VPS25: variants seen among roughly 807,000 people sequenced by gnomAD.
The protein encoded by VPS25 is vacuolar protein-sorting-associated protein 25.
In VPS25, 21 loss-of-function variants were observed where a neutral mutation model predicts 30.3. The ratio of observed to expected loss-of-function variants is 0.69; its 90% CI spans 0.49 to 1.00. VPS25 has a LOEUF of 1.00. Among genes scored for constraint, VPS25 ranks in the 50% least tolerant of loss-of-function variants. The pLI, the probability that VPS25 is intolerant of heterozygous loss-of-function variation, is 0.00. For missense variants in VPS25, 156 were observed against 217.2 expected (o/e 0.72, Z 1.77); for synonymous variants, 101 against 88.1 (o/e 1.15, Z -0.82).
At chr17:42,775,561 CAG>C in intron 4 of VPS25, 92 bp downstream of exon 4, 1 of 1,032,468 alleles carries the variant, frequency 9.7e-7, no homozygotes, top group Non-Finnish European at 1.4e-6. Context: ...TTCCCAGATC[CAG>C]ACTGAGCAAA....
intron 5 of VPS25, among the ~76,000 whole-genome samples, chr17:42,777,408 G>T (rs369965133): frequency 6.6e-6 from 1 of 152,306 alleles, no homozygotes; most frequent in South Asian, 2.1e-4. Flanking sequence ...TGAGCTACTT[G>T]GGAGGCTGCA....
In VPS25 at chr17:42,773,470, A is replaced by G; in HGVS notation, c.-6A>G. ...CGGTAGCTTCCGGGTTTCCTGGGCT[A>G]CTACGATGGCGATGAGTTTCGAGTG... On this transcript the variant is annotated 5_prime_UTR_variant, in exon 1 of 6. Coordinates refer to ENST00000253794, the MANE Select transcript of VPS25 (RefSeq NM_032353.4). 6.2e-7 allele frequency: 1 copy of G among 1,614,166 alleles called. No homozygotes were observed. Among genetic ancestry groups the G allele is most frequent in the East Asian group, 2.2e-5 (1 of 44,882 alleles).
chr17:42,777,967 C>T (rs1191311308), intron 5 of VPS25, among the ~76,000 whole-genome samples: 1 of 152,098 alleles, frequency 6.6e-6, no homozygotes, highest in Non-Finnish European at 1.5e-5. Flanking sequence ...TTGCTACTCC[C>T]ACCATCACCC....
In VPS25 at chr17:42,779,168, C is replaced by T. The variant is rs2054454384; in HGVS notation, c.*99C>T. ...CCCAAAGACTGGATCTGTGACTCCA[C>T]CAGACTCAAAAGGACTCCAGTCCTG... On this transcript the variant is annotated 3_prime_UTR_variant, in exon 6 of 6. Coordinates refer to ENST00000253794, the MANE Select transcript of VPS25 (RefSeq NM_032353.4). The T allele has an allele frequency of 3.1e-5, 36 of 1,153,534 alleles. No individual in the cohort carries two copies. In the East Asian group the frequency reaches 9.4e-4, roughly 30 times the overall value. 71.5% of individuals were successfully genotyped at this position (1,153,534 alleles called of 1,614,324 possible).
Position 42,779,002 on chromosome 17 carries a change from C to T in VPS25, c.464C>T (p.Ala155Val). Residue 155 changes from alanine (A) to valine (V), a missense_variant, in exon 6 of 6, where the codon GCC becomes GTC. Transcript: ENST00000253794. Reference protein sequence around the residue: ...DEATLLRALQALQQEHKAEII... With the variant: ...DEATLLRALQVLQQEHKAEII... ...GCCACTCTACTGCGGGCTCTGCAGGCCCTACAGCAGGAGCACAAGGCCGAG... is the reference window on the plus strand; with the variant it reads ...GCCACTCTACTGCGGGCTCTGCAGGTCCTACAGCAGGAGCACAAGGCCGAG... 6.2e-7 allele frequency: 1 copy of T among 1,611,104 alleles called. No individual in the cohort carries two copies. The highest frequency in any genetic ancestry group is 8.5e-7 in the Non-Finnish European group (1 of 1,178,806).
intron 5 of VPS25, among the ~76,000 whole-genome samples, chr17:42,777,136 T>C (rs917255074): frequency 1.3e-5 from 2 of 152,184 alleles, no homozygotes; most frequent in African/African-American, 2.4e-5. Flanking sequence ...GGAGGATCAC[T>C]TGAGCCCAGG....
Position 42,773,721 on chromosome 17 carries a change from T to A in VPS25, c.54-12T>A. 6.2e-7 allele frequency: 1 copy of A among 1,612,992 alleles called. No individual in the cohort carries two copies. Among genetic ancestry groups the A allele is most frequent in the Non-Finnish European group, 8.5e-7 (1 of 1,179,214 alleles). On this transcript the variant is annotated splice_polypyrimidine_tract_variant and intron_variant, in intron 1 of 5. Transcript: ENST00000253794. ...CCCTCTAATTCTGCGCCCCACTCCC[T>A]TCACCCGGCAGGTTACAACCGAATG...
chr17:42,777,784 G>A (rs945348734), intron 5 of VPS25, among the ~76,000 whole-genome samples: 2 of 152,150 alleles, frequency 1.3e-5, no homozygotes, highest in African/African-American at 4.8e-5. Flanking sequence ...TTTACATAGC[G>A]TAAACACTCT....
chr17:42,775,442 A>G lies in VPS25; in HGVS notation c.315A>G (p.Glu105=), dbSNP rs779194565. The stretch of plus-strand genomic sequence containing the variant: ...TCCTGATCATGTGGCGGAGGCCAGA[A>G]GAATGGGGGAAACTCATCTATCAGT... ...SSFLIMWRRP[E]EWGKLIYQWV... Residue 105 remains glutamate (E), a synonymous_variant, in exon 4 of 6, where the codon GAA becomes GAG. Coordinates refer to ENST00000253794, the MANE Select transcript of VPS25 (RefSeq NM_032353.4). 1.2e-6 allele frequency: 2 copies of G among 1,614,092 alleles called. No homozygotes were observed. Among genetic ancestry groups the G allele is most frequent in the South Asian group, 1.1e-5 (1 of 91,070 alleles).
Position 42,779,409 on chromosome 17 carries a change from TCTC to T in VPS25, c.*351_*353del, listed in dbSNP as rs1035048760. On this transcript the variant is annotated 3_prime_UTR_variant, in exon 6 of 6. Transcript: ENST00000253794. ...CATGCGCCTGCAGCACATGCTTCTGTCTCCTCCTCCTCCCACCCCTTTAGCTGC... is the reference window on the plus strand; with the variant it reads ...CATGCGCCTGCAGCACATGCTTCTGTCTCCTCCTCCCACCCCTTTAGCTGC... 3.2e-5 allele frequency: 7 copies of T among 219,870 alleles called. No individual in the cohort carries two copies. The highest frequency in any genetic ancestry group is 4.7e-5 in the Non-Finnish European group (5 of 105,376). 13.6% of individuals were successfully genotyped at this position (219,870 alleles called of 1,614,324 possible).
At chr17:42,774,754 G>A (rs1376985869) in intron 3 of VPS25, 55 bp downstream of exon 3, 1 of 1,497,826 alleles carries the variant, frequency 6.7e-7, no homozygotes, top group Admixed American at 1.7e-5. Flanking sequence ...TTTTCCTGAG[G>A]GCAAATTAGG....
At chr17:42,778,867 C>T in intron 5 of VPS25, 90 bp from the exon 6 acceptor site, 2 of 1,195,740 alleles carry the variant, frequency 1.7e-6, no homozygotes, top group Non-Finnish European at 2.4e-6. Context: ...TACCCTGCCT[C>T]TGGGAGGTCT....
At chr17:42,776,005 A>G (rs541030651) in intron 4 of VPS25, among the ~76,000 whole-genome samples, 59 of 152,348 alleles carry the variant, frequency 3.9e-4, no homozygotes, top group African/African-American at 1.4e-3. Flanking sequence ...CCAGAATGAG[A>G]GGTCAAGGTC....
chr17:42,778,505 A>G (rs2054448455), intron 5 of VPS25, among the ~76,000 whole-genome samples: 1 of 152,146 alleles, frequency 6.6e-6, no homozygotes, highest in Admixed American at 6.5e-5. Flanking sequence ...GCTAAAAGCT[A>G]GAAAAAGGGC....
At chr17:42,777,159 C>T (rs1244913331) in intron 5 of VPS25, among the ~76,000 whole-genome samples, 12 of 152,096 alleles carry the variant, frequency 7.9e-5, no homozygotes, top group Admixed American at 5.2e-4. Context: ...GTCAAGGCTG[C>T]AGTGAGCTAT....
At chr17:42,777,468 C>T (rs957694107) in intron 5 of VPS25, among the ~76,000 whole-genome samples, 5 of 152,186 alleles carry the variant, frequency 3.3e-5, no homozygotes, top group Non-Finnish European at 7.3e-5. Flanking sequence ...AAGCCAAGAT[C>T]GCACCACTGC....
At chr17:42,778,476 C>T (rs903151958) in intron 5 of VPS25, among the ~76,000 whole-genome samples, 3 of 152,190 alleles carry the variant, frequency 2.0e-5, no homozygotes, top group Non-Finnish European at 2.9e-5. Flanking sequence ...TGAGCCACCG[C>T]GCCTGGCCTG....
At position 42,773,523 on chromosome 17, in the gene VPS25, C is replaced by G. The variant is rs75670241; in HGVS notation, c.48C>G (p.Phe16Leu). The G allele has an allele frequency of 6.2e-7, 1 of 1,614,092 alleles. No homozygotes were observed. The highest frequency in any genetic ancestry group is 1.3e-5 in the African/African-American group (1 of 74,930). The change falls in exon 1 of 6, where the codon TTC becomes TTG. Residue 16 changes from phenylalanine (F) to leucine (L), a missense_variant. Transcript: ENST00000253794. ...CGTGGCAGTATCGCTTCCCACCCTT[C>G]TTTACGTGAGGCTCAGACCCCAAGA... ...EWPWQYRFPP[F>L]FTLQPNVDTR...
intron 5 of VPS25, 88 bp from the exon 6 acceptor site, chr17:42,778,869 G>T: frequency 8.2e-7 from 1 of 1,213,662 alleles, no homozygotes. Context: ...CCCTGCCTCT[G>T]GGAGGTCTCG....
Sources: gnomAD v4.1 joint callset for allele counts (sites outside exome capture counted in the v4.1 genomes callset) on GRCh38, gnomAD v4.1.1 for gene constraint, MANE v1.5 for transcripts, NCBI Gene and HGNC (gene_info 2026-07-23, HGNC 2026-07-21) for gene names.